The following CORIN variants were observed in gnomAD, a reference collection of about 807,000 sequenced individuals.
CORIN encodes the protein atrial natriuretic peptide-converting enzyme.
CORIN carries 117 observed loss-of-function variants against 125.3 expected under a neutral mutation model. The observed-to-expected ratio is 0.93, with a 90% CI of 0.80 to 1.09. The LOEUF (loss-of-function observed/expected upper bound fraction) is 1.09. Ranked by LOEUF, CORIN falls within the 50% of genes least tolerant of loss-of-function variation. CORIN has a pLI of 0.00. For synonymous variants in CORIN, 450 were observed against 466.4 expected (o/e 0.96, Z 0.45); for missense variants, 1,253 against 1,306.7 (o/e 0.96, Z 0.63).
intron 13 of CORIN, 36 bp downstream of exon 13, chr4:47,653,517 T>C: frequency 8.7e-6 from 13 of 1,493,756 alleles, no homozygotes; most frequent in Non-Finnish European, 1.1e-5. Flanking sequence ...TAGTTATCAC[T>C]GTACATTCAA....
chr4:47,603,298 G>A (rs1425704598), intron 20 of CORIN, 99 bp downstream of exon 20: 33 of 1,297,004 alleles, frequency 2.5e-5, no homozygotes, highest in Non-Finnish European at 3.5e-5. Context: ...CCCCATCCCT[G>A]CAGAACTGTG....
At chr4:47,813,045 C>G (rs576820184) in intron 1 of CORIN, among the ~76,000 whole-genome samples, 21 of 152,318 alleles carry the variant, frequency 1.4e-4, no homozygotes, top group Non-Finnish European at 2.4e-4. Context: ...TCAGATCAGA[C>G]ACCACCACCC....
At chr4:47,703,434 C>A (rs1191930558) in intron 5 of CORIN, among the ~76,000 whole-genome samples, 1 of 152,280 alleles carries the variant, frequency 6.6e-6, no homozygotes, top group East Asian at 1.9e-4. Flanking sequence ...CTGATATCCA[C>A]ACTAATACTG....
rs578211512 is a variant in CORIN at position 47,786,782 on chromosome 4, C to T, written c.352G>A (p.Val118Ile). 1.2e-4 allele frequency: 193 copies of T among 1,614,154 alleles called. 4 individuals are homozygous for T. The South Asian group carries it at 2.0e-3, about 17-fold the overall frequency. The stretch of plus-strand genomic sequence containing the variant: ...GAAGCATCCGTAGTCCAGGCTGGAA[C>T]GTGTTGGTCGGGATGTGCAGTAGAC... ...VVSTAHPDQH[V>I]PAWTTDASLP... Residue 118 changes from valine to isoleucine, a missense_variant, in exon 3 of 22, where the codon GTT (valine) becomes ATT (isoleucine). Coordinates refer to ENST00000273857, the MANE Select transcript of CORIN (RefSeq NM_006587.4).
Position 47,595,643 on chromosome 4 carries a change from T to C in CORIN, c.*78A>G. The C allele has an allele frequency of 8.6e-7, 1 of 1,164,454 alleles. No homozygotes were observed. Among genetic ancestry groups the C allele is most frequent in the Non-Finnish European group, 1.2e-6 (1 of 823,586 alleles). 72.1% of individuals were successfully genotyped at this position (1,164,454 alleles called of 1,614,324 possible). A position where few individuals can be genotyped will look rare whatever the true frequency, so the allele number is the denominator to read the frequency against. ...CATGAAAAGTGCTTCTGTACAGCTC[T>C]CTGCAGGCAGCTCTTCACAGTCAAG... On this transcript the variant is annotated 3_prime_UTR_variant, in exon 22 of 22. Transcript: ENST00000273857.
chr4:47,765,179 C>T (rs1729660328), intron 3 of CORIN, among the ~76,000 whole-genome samples: 1 of 151,380 alleles, frequency 6.6e-6, no homozygotes, highest in African/African-American at 2.4e-5. Flanking sequence ...GGCGTGGTGG[C>T]GGGCGTTGTG....
chr4:47,612,033 T>G (rs1721889638), intron 19 of CORIN, among the ~76,000 whole-genome samples: 1 of 152,196 alleles, frequency 6.6e-6, no homozygotes, highest in Admixed American at 6.5e-5. Flanking sequence ...ATTCTTTTGT[T>G]GTGTTTCTGC....
chr4:47,642,609 G>A (rs1049087974), intron 15 of CORIN, among the ~76,000 whole-genome samples: 2 of 152,222 alleles, frequency 1.3e-5, no homozygotes, highest in Admixed American at 6.5e-5. Flanking sequence ...CTGAGAAAGA[G>A]CTGAGTGAAT....
intron 16 of CORIN, among the ~76,000 whole-genome samples, chr4:47,634,848 G>T (rs1722963009): frequency 2.0e-5 from 3 of 152,092 alleles, no homozygotes; most frequent in African/African-American, 7.2e-5. Flanking sequence ...GGATAAAATG[G>T]GAAGTGAAGT....
At chr4:47,651,101 G>A (rs1723714813) in intron 13 of CORIN, among the ~76,000 whole-genome samples, 2 of 152,208 alleles carry the variant, frequency 1.3e-5, no homozygotes, top group Non-Finnish European at 2.9e-5. Context: ...TTACAAAAGT[G>A]CCAAAGAAAC....
At chr4:47,630,893 A>G (rs1722778309) in intron 16 of CORIN, among the ~76,000 whole-genome samples, 1 of 152,136 alleles carries the variant, frequency 6.6e-6, no homozygotes, top group Non-Finnish European at 1.5e-5. Context: ...CCAAGATCAC[A>G]GGTGATGATG....
At chr4:47,774,685 T>C (rs1730211456) in intron 3 of CORIN, among the ~76,000 whole-genome samples, 1 of 152,160 alleles carries the variant, frequency 6.6e-6, no homozygotes, top group South Asian at 2.1e-4. Flanking sequence ...TGGCTAGTAT[T>C]TTCTGAGTTC....
chr4:47,625,428 T>G (rs551971282), intron 17 of CORIN, among the ~76,000 whole-genome samples: 97 of 152,070 alleles, frequency 6.4e-4, no homozygotes, highest in Non-Finnish European at 1.2e-3. Flanking sequence ...GAATGCATTA[T>G]TTATTTATTT....
chr4:47,691,351 A>C (rs1212603606), intron 6 of CORIN, among the ~76,000 whole-genome samples: 1 of 152,248 alleles, frequency 6.6e-6, no homozygotes, highest in Non-Finnish European at 1.5e-5. Context: ...GCTGCTTTGC[A>C]CAGCATCTTC....
intron 5 of CORIN, among the ~76,000 whole-genome samples, chr4:47,744,163 G>A (rs1728545360): frequency 6.6e-6 from 1 of 152,116 alleles, no homozygotes; most frequent in African/African-American, 2.4e-5. Flanking sequence ...CAAAACTAAG[G>A]TGATAGAAGT....
chr4:47,831,568 T>A (rs1733000959), intron 1 of CORIN: 1 of 152,132 alleles, frequency 6.6e-6, no homozygotes, highest in Non-Finnish European at 1.5e-5. Context: ...GAACATAATC[T>A]CCCAACCTGC....
intron 4 of CORIN, 82 bp from the exon 5 acceptor site, chr4:47,744,665 C>A (rs1478887703): frequency 7.6e-7 from 1 of 1,310,580 alleles, no homozygotes; most frequent in Admixed American, 2.4e-5. Context: ...AAAGTTAGCC[C>A]CTGTGTTGTG....
chr4:47,636,585 G>A (rs1481978005), intron 16 of CORIN, among the ~76,000 whole-genome samples: 6 of 152,134 alleles, frequency 3.9e-5, no homozygotes, highest in Non-Finnish European at 7.4e-5. Flanking sequence ...GGGTCTTCCT[G>A]TGCTGTTCTC....
chr4:47,698,594 G>A (rs923786446), intron 5 of CORIN, among the ~76,000 whole-genome samples: 3 of 152,078 alleles, frequency 2.0e-5, no homozygotes, highest in Non-Finnish European at 2.9e-5. Flanking sequence ...TCGGTAAAGA[G>A]TGGCATGATC....
Sources: gnomAD v4.1 joint callset for allele counts (sites outside exome capture counted in the v4.1 genomes callset) on GRCh38, gnomAD v4.1.1 for gene constraint, MANE v1.5 for transcripts, NCBI Gene and HGNC (gene_info 2026-07-23, HGNC 2026-07-21) for gene names.